Variants in AMZ1 observed in about 807,000 individuals in gnomAD.
AMZ1 encodes the protein archaemetzincin-1.
In AMZ1, 39 loss-of-function variants were observed where a neutral mutation model predicts 29.9. The ratio of observed to expected loss-of-function variants is 1.30; its 90% CI spans 1.01 to 1.70. The LOEUF is 1.70. Among genes scored for constraint, AMZ1 ranks in the 40% most tolerant of loss-of-function variants. The pLI is 0.00. For synonymous variants in AMZ1, 458 were observed against 304.0 expected (o/e 1.51, Z -5.27); for missense variants, 1,041 against 680.6 (o/e 1.53, Z -5.89).
chr7:2,751,928 G>T (rs748885557), intron 4 of AMZ1, among the ~76,000 whole-genome samples: 1 of 152,238 alleles, frequency 6.6e-6, no homozygotes, highest in Non-Finnish European at 1.5e-5. Flanking sequence ...AACACGTAAA[G>T]AAGAAATAAC....
rs906334021 is a variant in AMZ1, at chr7:2,718,348, C to A, written c.*5470C>A. ...TTCTGGATACAGCATGACTGAACCG[C>A]CCCTTCTCAGCAAAGGCCAACACGT... On this transcript the variant is annotated 3_prime_UTR_variant, in exon 7 of 7. Transcript: ENST00000683327. 1.3e-5 allele frequency among the ~76,000 whole-genome samples: 2 copies of A among 152,192 alleles called. No homozygotes were observed. Among genetic ancestry groups the A allele is most frequent in the Non-Finnish European group, 2.9e-5 (2 of 68,042 alleles).
rs1788932376 is a variant in AMZ1, at chr7:2,713,478, C to T, written c.*600C>T. On this transcript the variant is annotated 3_prime_UTR_variant, in exon 7 of 7. Transcript: ENST00000683327. ...TGTCTCCTTCCAGGCTGTGGGCCTGCCCTTCAGTTATTTATAGCTGGAGCT... is the reference window on the plus strand; with the variant it reads ...TGTCTCCTTCCAGGCTGTGGGCCTGTCCTTCAGTTATTTATAGCTGGAGCT... The T allele has an allele frequency of 6.5e-6, 1 of 152,858 alleles. No individual in the cohort carries two copies. The highest frequency in any genetic ancestry group is 1.5e-5 in the Non-Finnish European group (1 of 68,370). The allele number at this position is 152,858 out of a possible 1,614,324, so 9.5% of individuals were successfully genotyped here.
In AMZ1 at chr7:2,712,954, A is replaced by C. The variant is rs906869394; in HGVS notation, c.*76A>C. 3.5e-5 allele frequency: 49 copies of C among 1,402,644 alleles called. No homozygotes were observed. Among genetic ancestry groups the C allele is most frequent in the Admixed American group, 2.9e-5 (1 of 34,902 alleles). 86.9% of individuals were successfully genotyped at this position (1,402,644 alleles called of 1,614,324 possible). A position where few individuals can be genotyped will look rare whatever the true frequency, so the allele number is the denominator to read the frequency against. On this transcript the variant is annotated 3_prime_UTR_variant, in exon 7 of 7. Coordinates refer to ENST00000683327, the MANE Select transcript of AMZ1 (RefSeq NM_001384743.1). ...TGTCCAGTAGCTGAGGCCACTACTG[A>C]CCTGCCAGGGATAAAGAGGAAGGGT...
chr7:2,763,250 A>C (rs2115404727), upstream of AMZ1: 1 of 372,136 alleles, frequency 2.7e-6, no homozygotes, highest in South Asian at 1.2e-4. Flanking sequence ...CACAGTTCAG[A>C]AAACACATTT....
chr7:2,701,023 G>C (rs1309127521), intron 2 of AMZ1, among the ~76,000 whole-genome samples: 3 of 152,214 alleles, frequency 2.0e-5, no homozygotes, highest in Non-Finnish European at 4.4e-5. Flanking sequence ...GCACGGTCCT[G>C]GCTACGCCTG....
At chr7:2,710,007 G>A (rs1411360395) in intron 6 of AMZ1, among the ~76,000 whole-genome samples, 191 bp downstream of exon 6, 1 of 152,210 alleles carries the variant, frequency 6.6e-6, no homozygotes, top group Non-Finnish European at 1.5e-5. Flanking sequence ...AGTAGATCGA[G>A]TCCTGCCAGG....
In AMZ1 at chr7:2,712,575, G is replaced by A. The variant is rs1479483201; in HGVS notation, c.1194G>A (p.Gly398=). 2.5e-6 allele frequency: 4 copies of A among 1,611,450 alleles called. No homozygotes were observed. The highest frequency in any genetic ancestry group is 3.4e-6 in the Non-Finnish European group (4 of 1,179,278). ...LAASEAPLPP[G]GPAEAIKEHE... is the part of the protein sequence containing the mutation. ...CCTCAGAGGCTCCGCTGCCACCTGG[G>A]GGCCCTGCGGAGGCCATCAAGGAGC... The change falls in exon 7 of 7, where the codon GGG becomes GGA. Residue 398 remains glycine, a synonymous_variant. Coordinates refer to ENST00000683327, the MANE Select transcript of AMZ1 (RefSeq NM_001384743.1).
In AMZ1 at chr7:2,748,847, A is replaced by G. The variant is rs1188480218; in HGVS notation, n.551-15865A>G. ...CAAACAACCCCATCAAAAAGTGGGC[A>G]AAGGACATGAACAGACACTTCTCAA... On this transcript the variant is annotated intron_variant and non_coding_transcript_variant, in intron 4 of 4. Coordinates refer to the AMZ1 transcript ENST00000489665. 7.2e-4 allele frequency among the ~76,000 whole-genome samples: 109 copies of G among 152,300 alleles called. 2 individuals carry two copies. The East Asian group carries it at 0.019, about 26-fold the overall frequency.
chr7:2,700,187 C>T, intron 1 of AMZ1, 47 bp from the exon 2 acceptor site: 1 of 522,794 alleles, frequency 1.9e-6, no homozygotes, highest in Non-Finnish European at 3.4e-6. Context: ...GGACATCGGG[C>T]CCTGTGTGCT....
intron 1 of AMZ1, among the ~76,000 whole-genome samples, chr7:2,692,074 G>A (rs1229412775): frequency 6.6e-6 from 1 of 152,234 alleles, no homozygotes; most frequent in Admixed American, 6.5e-5. Context: ...CGGTGAGCAG[G>A]TCATGTCACC....
At chr7:2,741,242 C>G (rs1326669539) in intron 4 of AMZ1, among the ~76,000 whole-genome samples, 1 of 152,148 alleles carries the variant, frequency 6.6e-6, no homozygotes, top group Non-Finnish European at 1.5e-5. Context: ...GTGGTCTCAG[C>G]TACCTGGGAG....
intron 4 of AMZ1, among the ~76,000 whole-genome samples, chr7:2,749,592 C>G (rs1453775166): frequency 2.0e-5 from 3 of 151,944 alleles, no homozygotes; most frequent in Non-Finnish European, 4.4e-5. Context: ...AGCACACCAA[C>G]ATGGCACATG....
chr7:2,724,278 C>G (rs1312750718), downstream of AMZ1, among the ~76,000 whole-genome samples: 1 of 152,216 alleles, frequency 6.6e-6, no homozygotes, highest in Non-Finnish European at 1.5e-5. Flanking sequence ...GGCTCACCAG[C>G]GCCGGGCAAG....
At chr7:2,703,218 C>T (rs1348610776) in intron 3 of AMZ1, among the ~76,000 whole-genome samples, 1 of 152,168 alleles carries the variant, frequency 6.6e-6, no homozygotes, top group African/African-American at 2.4e-5. Context: ...GCGATCTCGG[C>T]TCACTGCAAC....
At chr7:2,690,838 G>C (rs1197326732) in intron 1 of AMZ1, among the ~76,000 whole-genome samples, 1 of 152,026 alleles carries the variant, frequency 6.6e-6, no homozygotes, top group African/African-American at 2.4e-5. Context: ...GTGAACTTTT[G>C]GTAAAAAGAA....
At chr7:2,725,251 G>C (rs980480203) in intron 4 of AMZ1, among the ~76,000 whole-genome samples, 1 of 152,160 alleles carries the variant, frequency 6.6e-6, no homozygotes, top group Non-Finnish European at 1.5e-5. Flanking sequence ...TCAGGGGCTG[G>C]AGCCATGGCC....
chr7:2,704,859 GTGC>G (rs1178226139), intron 3 of AMZ1, among the ~76,000 whole-genome samples: 1 of 152,072 alleles, frequency 6.6e-6, no homozygotes, highest in Non-Finnish European at 1.5e-5. Flanking sequence ...GTCTCCCAAA[GTGC>G]TGGGATTACA....
At chr7:2,725,992 A>G (rs1399663144) in intron 4 of AMZ1, among the ~76,000 whole-genome samples, 2 of 152,234 alleles carry the variant, frequency 1.3e-5, no homozygotes, top group Non-Finnish European at 2.9e-5. Context: ...AAACACCAGG[A>G]TCCCATATTT....
At chr7:2,688,929 C>T (rs1174698730) in intron 1 of AMZ1, among the ~76,000 whole-genome samples, 1 of 152,250 alleles carries the variant, frequency 6.6e-6, no homozygotes, top group Admixed American at 6.5e-5. Context: ...AGGGCAGGGA[C>T]CTGGGTCCTT....
Sources: gnomAD v4.1 joint callset for allele counts (sites outside exome capture counted in the v4.1 genomes callset) on GRCh38, gnomAD v4.1.1 for gene constraint, MANE v1.5 for transcripts, NCBI Gene and HGNC (gene_info 2026-07-23, HGNC 2026-07-21) for gene names.